Variants in ASAP2 observed in about 807,000 individuals in gnomAD.
The protein encoded by ASAP2 is ArfGAP with SH3 domain, ankyrin repeat and PH domain 2.
A neutral mutation model predicts 131.4 loss-of-function variants in ASAP2; 45 were observed. The observed-to-expected ratio is 0.34, with a 90% CI of 0.27 to 0.44. The LOEUF (loss-of-function observed/expected upper bound fraction) is 0.44. ASAP2 is among the 20% of genes least tolerant of loss of function. ASAP2 has a pLI of 1.00. For missense variants in ASAP2, 1,011 were observed against 1,297.0 expected (o/e 0.78, Z 3.39); for synonymous variants, 510 against 503.0 (o/e 1.01, Z -0.19).
At chr2:9,381,980 CTTTTT>C (rs759499289) in intron 20 of ASAP2, among the ~76,000 whole-genome samples, 2 of 115,958 alleles carry the variant, frequency 1.7e-5, no homozygotes, top group African/African-American at 3.8e-5. Flanking sequence ...CTCATTTAAT[CTTTTT>C]TTTTTTTTTT....
Position 9,404,493 on chromosome 2 carries a change from A to G in ASAP2, c.*1166A>G, listed in dbSNP as rs1480133478. 3.3e-5 allele frequency: 5 copies of G among 152,268 alleles called. No individual in the cohort carries two copies. Among genetic ancestry groups the G allele is most frequent in the African/African-American group, 1.2e-4 (5 of 41,452 alleles). 9.4% of individuals were successfully genotyped at this position (152,268 alleles called of 1,614,324 possible). A position where few individuals can be genotyped will look rare whatever the true frequency, so the allele number is the denominator to read the frequency against. ...TTATAAAACCAAAACTCATTCGTTT[A>G]ATGAACTTGACTGTCATACCTCTAT... On this transcript the variant is annotated 3_prime_UTR_variant, in exon 28 of 28. Transcript: ENST00000281419.
intron 1 of ASAP2, among the ~76,000 whole-genome samples, chr2:9,252,550 G>A: frequency 6.6e-6 from 1 of 151,638 alleles, no homozygotes; most frequent in East Asian, 1.9e-4. Flanking sequence ...TTCCAGCCTG[G>A]GCGACAAAGT....
At chr2:9,370,450 C>G (rs1435176019) in intron 16 of ASAP2, among the ~76,000 whole-genome samples, 1 of 152,196 alleles carries the variant, frequency 6.6e-6, no homozygotes, top group Non-Finnish European at 1.5e-5. Context: ...TGTGATCATC[C>G]TCTCTTGATG....
rs747514583 is a variant in ASAP2, at chr2:9,356,294, G to A, written c.1276G>A (p.Glu426Lys). ...AGAACTGACAAAGGAGATCATCTCA[G>A]AAGTGCAGAGGATGACGGGCAATGA... ...VQELTKEIIS[E>K]VQRMTGNDVC... Residue 426 changes from glutamate to lysine, a missense_variant, in exon 14 of 28, where the codon GAA becomes AAA. Around this residue, in one of 2 missense-constraint regions of ASAP2, gnomAD observed 359 missense variants for 598.1 expected, o/e 0.60. Coordinates refer to ENST00000281419, the MANE Select transcript of ASAP2 (RefSeq NM_003887.3). 1 of 1,613,550 alleles carries A rather than the reference G, an allele frequency of 6.2e-7. No homozygotes were observed. The highest frequency in any genetic ancestry group is 8.5e-7 in the Non-Finnish European group (1 of 1,179,694).
chr2:9,385,013 T>C (rs1675158980), intron 20 of ASAP2, among the ~76,000 whole-genome samples: 1 of 152,242 alleles, frequency 6.6e-6, no homozygotes, highest in Non-Finnish European at 1.5e-5. Flanking sequence ...AGCCGGGAAC[T>C]GTGGATGAAA....
At chr2:9,326,225 C>T (rs1192802407) in intron 6 of ASAP2, among the ~76,000 whole-genome samples, 1 of 152,122 alleles carries the variant, frequency 6.6e-6, no homozygotes, top group Non-Finnish European at 1.5e-5. Context: ...TACAAAAAAA[C>T]AAAAACAAAC....
At chr2:9,373,014 T>A (rs1674102458) in intron 16 of ASAP2, among the ~76,000 whole-genome samples, 1 of 152,094 alleles carries the variant, frequency 6.6e-6, no homozygotes, top group Non-Finnish European at 1.5e-5. Context: ...CAGGTGGAGA[T>A]GAAAACTCAT....
chr2:9,391,907 GTC>G (rs1675759043), intron 23 of ASAP2, among the ~76,000 whole-genome samples: 1 of 151,904 alleles, frequency 6.6e-6, no homozygotes, highest in African/African-American at 2.4e-5. Context: ...TTAAGACAGG[GTC>G]TCTCTTTGTC....
intron 7 of ASAP2, among the ~76,000 whole-genome samples, chr2:9,329,389 T>G (rs1670685266): frequency 1.3e-5 from 2 of 152,018 alleles, no homozygotes; most frequent in South Asian, 4.2e-4. Context: ...GGTGATGCAG[T>G]AAGGAGGAAA....
intron 3 of ASAP2, among the ~76,000 whole-genome samples, chr2:9,315,215 C>CT (rs1669573813): frequency 6.6e-6 from 1 of 152,134 alleles, no homozygotes; most frequent in Non-Finnish European, 1.5e-5. Context: ...GTAGTTTAGT[C>CT]TTTATTAGGG....
rs114407907 is a variant in ASAP2, at chr2:9,227,844, T to C, written c.126+20614T>C. Among the ~76,000 whole-genome samples the C allele has an allele frequency of 6.5e-3, 995 of 152,372 alleles. 11 individuals carry two copies. The highest frequency in any genetic ancestry group is 0.023 in the African/African-American group (956 of 41,578). On this transcript the variant is annotated intron_variant, in intron 1 of 27. Coordinates refer to ENST00000281419, the MANE Select transcript of ASAP2 (RefSeq NM_003887.3). ...ATTTGAAAAGGGATTTCAAGGTTCA[T>C]ATATGCATTGTTTGTTGCATGTTAC...
chr2:9,280,774 T>C (rs1294688706), intron 2 of ASAP2, among the ~76,000 whole-genome samples: 1 of 152,234 alleles, frequency 6.6e-6, no homozygotes, highest in Non-Finnish European at 1.5e-5. Flanking sequence ...TTACCTGGAT[T>C]AAGTGTGGGG....
intron 7 of ASAP2, among the ~76,000 whole-genome samples, chr2:9,330,611 A>G (rs1670770528): frequency 6.6e-6 from 1 of 152,220 alleles, no homozygotes; most frequent in African/African-American, 2.4e-5. Context: ...TTGCAATTAT[A>G]TAGTTTTCAA....
At chr2:9,314,303 C>A (rs1669504428) in intron 3 of ASAP2, among the ~76,000 whole-genome samples, 1 of 152,200 alleles carries the variant, frequency 6.6e-6, no homozygotes, top group African/African-American at 2.4e-5. Flanking sequence ...AATTTACCTA[C>A]TGTTGCTGTA....
chr2:9,369,099 A>C (rs1361036390), intron 16 of ASAP2, among the ~76,000 whole-genome samples: 2 of 151,628 alleles, frequency 1.3e-5, no homozygotes, highest in Non-Finnish European at 2.9e-5. Flanking sequence ...GCTCACTGCA[A>C]CCTCTGCCTC....
intron 1 of ASAP2, among the ~76,000 whole-genome samples, chr2:9,262,450 T>G (rs1665642037): frequency 6.6e-6 from 1 of 152,184 alleles, no homozygotes; most frequent in Non-Finnish European, 1.5e-5. Context: ...GGTGATCTCC[T>G]GTGAGGCAGG....
intron 1 of ASAP2, among the ~76,000 whole-genome samples, chr2:9,272,120 T>C (rs1300043978): frequency 3.3e-5 from 5 of 152,202 alleles, no homozygotes; most frequent in Non-Finnish European, 7.3e-5. Flanking sequence ...TTTTAGTTTT[T>C]TGAGGAACCT....
chr2:9,211,719 G>T (rs1369980071), intron 1 of ASAP2, among the ~76,000 whole-genome samples: 1 of 152,166 alleles, frequency 6.6e-6, no homozygotes, highest in East Asian at 1.9e-4. Context: ...GCTCCCAGGG[G>T]CCCTGCCGTC....
intron 1 of ASAP2, among the ~76,000 whole-genome samples, chr2:9,257,263 A>G (rs1665232716): frequency 6.6e-6 from 1 of 151,670 alleles, no homozygotes; most frequent in African/African-American, 2.4e-5. Flanking sequence ...AAAAGTCTCA[A>G]TTGCCTTGGG....
Sources: allele counts gnomAD v4.1 joint callset (sites outside exome capture counted in the v4.1 genomes callset), GRCh38; gene constraint gnomAD v4.1.1; regional missense constraint gnomAD v4.1.1; transcripts MANE v1.5; gene names NCBI Gene and HGNC (gene_info 2026-07-23, HGNC 2026-07-21).